Variants in JAZF1 observed in about 807,000 individuals in gnomAD.
The protein encoded by JAZF1 is JAZF zinc finger 1, also known as juxtaposed with another zinc finger protein 1.
A neutral mutation model predicts 26.4 loss-of-function variants in JAZF1; 8 were observed. The observed-to-expected ratio is 0.30, with a 90% CI of 0.18 to 0.55. The LOEUF is 0.55. Among genes scored for constraint, JAZF1 ranks in the 20% least tolerant of loss-of-function variants. JAZF1 has a pLI of 0.94. For synonymous variants in JAZF1, 126 were observed against 122.3 expected (o/e 1.03, Z -0.20); for missense variants, 199 against 322.0 (o/e 0.62, Z 2.92).
intron 2 of JAZF1, among the ~76,000 whole-genome samples, chr7:27,946,934 C>T (rs1014018753): frequency 6.6e-6 from 1 of 152,122 alleles, no homozygotes; most frequent in African/African-American, 2.4e-5. Flanking sequence ...TAAATATATG[C>T]TACTGCCCTA....
At chr7:28,011,199 TAGAG>T (rs1374777344) in intron 1 of JAZF1, among the ~76,000 whole-genome samples, 1 of 152,184 alleles carries the variant, frequency 6.6e-6, no homozygotes, top group Non-Finnish European at 1.5e-5. Context: ...AAAAGGTCCT[TAGAG>T]AGAAGGAAAA....
At chr7:28,111,950 G>T (rs562126689) in intron 1 of JAZF1, among the ~76,000 whole-genome samples, 1 of 152,198 alleles carries the variant, frequency 6.6e-6, no homozygotes, top group African/African-American at 2.4e-5. Flanking sequence ...GCCTGACCTA[G>T]AATTGTGTAG....
chr7:28,044,154 A>G (rs908304387), intron 1 of JAZF1, among the ~76,000 whole-genome samples: 2 of 152,132 alleles, frequency 1.3e-5, no homozygotes, highest in Non-Finnish European at 2.9e-5. Context: ...TGTGAACTTC[A>G]CCTCTACTAA....
At chr7:27,938,931 A>G (rs979461546) in intron 2 of JAZF1, among the ~76,000 whole-genome samples, 8 of 152,042 alleles carry the variant, frequency 5.3e-5, no homozygotes, top group Non-Finnish European at 1.0e-4. Context: ...GTGAGCCACC[A>G]TGGCTGGCCA....
chr7:28,166,113 CATAT>C (rs148796026), intron 1 of JAZF1, among the ~76,000 whole-genome samples: 1 of 122,824 alleles, frequency 8.1e-6, no homozygotes. Flanking sequence ...CCCTTGGTTA[CATAT>C]ATATATATAT....
chr7:27,888,686 T>A (rs1441419411), intron 3 of JAZF1, among the ~76,000 whole-genome samples: 1 of 152,216 alleles, frequency 6.6e-6, no homozygotes, highest in Non-Finnish European at 1.5e-5. Flanking sequence ...AAAGAAATGT[T>A]TCTTAAAAGG....
chr7:27,847,159 T>C (rs58845311), intron 3 of JAZF1, among the ~76,000 whole-genome samples: 1,693 of 150,850 alleles, frequency 0.011, 35 homozygotes, highest in African/African-American at 0.039. Context: ...TTCTTTTTTT[T>C]TTTTTTTTTT....
intron 1 of JAZF1, among the ~76,000 whole-genome samples, chr7:28,128,981 C>G (rs1782746845): frequency 6.6e-6 from 1 of 152,140 alleles, no homozygotes; most frequent in African/African-American, 2.4e-5. Flanking sequence ...CTTTAGGAAA[C>G]TTAAGTTTGG....
At chr7:28,081,075 C>T (rs1004294116) in intron 1 of JAZF1, among the ~76,000 whole-genome samples, 3 of 152,208 alleles carry the variant, frequency 2.0e-5, no homozygotes, top group South Asian at 2.1e-4. Context: ...AAGAAAACCT[C>T]GTGGGGACCA....
intron 1 of JAZF1, among the ~76,000 whole-genome samples, chr7:28,157,463 A>C (rs1783205548): frequency 6.6e-6 from 1 of 152,250 alleles, no homozygotes; most frequent in Non-Finnish European, 1.5e-5. Flanking sequence ...AACTTTATTT[A>C]TGGACGTGAA....
chr7:28,173,630 A>G (rs1004670230), intron 1 of JAZF1, among the ~76,000 whole-genome samples: 3 of 152,150 alleles, frequency 2.0e-5, no homozygotes, highest in African/African-American at 7.2e-5. Context: ...AAGGAGGTCT[A>G]TCTCAGGAGA....
At chr7:28,167,463 C>G (rs1028402378) in intron 1 of JAZF1, among the ~76,000 whole-genome samples, 2 of 152,190 alleles carry the variant, frequency 1.3e-5, no homozygotes, top group African/African-American at 4.8e-5. Context: ...GTGAGGCAAG[C>G]GAGCTCCAGG....
In JAZF1 at chr7:27,831,252, T is replaced by C; in HGVS notation, c.*1548A>G. ...TTTACTCATCTAACAAACAGAACTGTCATCCTTTCAAAATGTCTGAAAATT... is the reference window on the plus strand; with the variant it reads ...TTTACTCATCTAACAAACAGAACTGCCATCCTTTCAAAATGTCTGAAAATT... On this transcript the variant is annotated 3_prime_UTR_variant, in exon 5 of 5. Transcript: ENST00000283928. The C allele has an allele frequency of 4.4e-6, 1 of 225,340 alleles. No homozygotes were observed. The highest frequency in any genetic ancestry group is 8.9e-6 in the Non-Finnish European group (1 of 112,856). The allele number at this position is 225,340 out of a possible 1,614,324, so 14.0% of individuals were successfully genotyped here.
intron 2 of JAZF1, among the ~76,000 whole-genome samples, chr7:27,965,777 T>C (rs1785263218): frequency 6.6e-6 from 1 of 152,204 alleles, no homozygotes; most frequent in Non-Finnish European, 1.5e-5. Flanking sequence ...AAGGCATTCC[T>C]CCCTTATCCC....
rs115621518 is a variant in JAZF1 at position 27,982,050 on chromosome 7, G to A, written c.188+9859C>T. 4.7e-3 allele frequency among the ~76,000 whole-genome samples: 718 copies of A among 152,358 alleles called. 2 individuals are homozygous for A. The highest frequency in any genetic ancestry group is 0.016 in the African/African-American group (678 of 41,570). ...CCAGTCTGCAGCTCCCAGTGTGAGC[G>A]ATGCAGAACATGGGTGATTTCTGCA... On this transcript the variant is annotated intron_variant, in intron 2 of 4. Coordinates refer to ENST00000283928, the MANE Select transcript of JAZF1 (RefSeq NM_175061.4).
intron 2 of JAZF1, among the ~76,000 whole-genome samples, chr7:27,904,130 T>C (rs984347802): frequency 6.6e-6 from 1 of 152,134 alleles, no homozygotes; most frequent in Non-Finnish European, 1.5e-5. Flanking sequence ...CAAGGATGGA[T>C]AGAGAACCAG....
chr7:27,862,141 C>T (rs1432476906), intron 3 of JAZF1, among the ~76,000 whole-genome samples: 1 of 152,248 alleles, frequency 6.6e-6, no homozygotes, highest in Non-Finnish European at 1.5e-5. Context: ...CTTATCTGTA[C>T]TCCCACATTC....
chr7:28,038,841 T>C (rs148588872), intron 1 of JAZF1, among the ~76,000 whole-genome samples: 4 of 152,338 alleles, frequency 2.6e-5, no homozygotes, highest in African/African-American at 7.2e-5. Flanking sequence ...GTTTAGTACA[T>C]ATTCAGCTTC....
chr7:28,092,940 A>G (rs1784326645), intron 1 of JAZF1, among the ~76,000 whole-genome samples: 1 of 152,218 alleles, frequency 6.6e-6, no homozygotes, highest in African/African-American at 2.4e-5. Flanking sequence ...TAATCAAAAC[A>G]TTATTTCATG....
Sources: allele counts gnomAD v4.1 joint callset (sites outside exome capture counted in the v4.1 genomes callset), GRCh38; gene constraint gnomAD v4.1.1; transcripts MANE v1.5; gene names NCBI Gene and HGNC (gene_info 2026-07-23, HGNC 2026-07-21).